PODXL: variants seen among roughly 807,000 people sequenced by gnomAD.
PODXL encodes the protein podocalyxin like.
PODXL carries 20 observed loss-of-function variants against 48.9 expected under a neutral mutation model. The ratio of observed to expected loss-of-function variants is 0.41; its 90% CI spans 0.29 to 0.59. The LOEUF (loss-of-function observed/expected upper bound fraction) is 0.59, where lower values mean the gene tolerates loss of function less well. Among genes scored for constraint, PODXL ranks in the 20% least tolerant of loss-of-function variants. The pLI is 0.31. For missense variants in PODXL, 606 were observed against 675.1 expected, an observed-to-expected ratio of 0.90 and a Z score of 1.13; for synonymous variants, 295 against 287.4, an observed-to-expected ratio of 1.03 and a Z score of -0.27.
chr7:131,524,400 AG>A (rs1399564738), intron 1 of PODXL, among the ~76,000 whole-genome samples: 3 of 151,354 alleles, frequency 2.0e-5, no homozygotes, highest in African/African-American at 7.2e-5. Context: ...AGAGAGAGAG[AG>A]AGAGAGAAAA....
chr7:131,546,000 T>G (rs1351685203), intron 1 of PODXL, among the ~76,000 whole-genome samples: 1 of 152,248 alleles, frequency 6.6e-6, no homozygotes, highest in Non-Finnish European at 1.5e-5. Flanking sequence ...CTTCCTACCT[T>G]CCCTTCCTAT....
chr7:131,507,326 G>A (rs1356589753), intron 5 of PODXL, among the ~76,000 whole-genome samples: 1 of 152,192 alleles, frequency 6.6e-6, no homozygotes, highest in Non-Finnish European at 1.5e-5. Context: ...GGAACAGGTG[G>A]GATCTTGAAG....
chr7:131,521,967 A>T (rs1038387697), intron 1 of PODXL, among the ~76,000 whole-genome samples: 9 of 152,230 alleles, frequency 5.9e-5, no homozygotes, highest in African/African-American at 1.4e-4. Context: ...AAGATAAAAC[A>T]GCTCCTTATT....
At chr7:131,550,781 GCACGCACACACACACA>G (rs1482138515) in intron 1 of PODXL, among the ~76,000 whole-genome samples, 4 of 151,664 alleles carry the variant, frequency 2.6e-5, no homozygotes, top group South Asian at 4.2e-4. Flanking sequence ...ACACATACAT[GCACGCACACACACACA>G]CACGCACACA....
Position 131,511,243 on chromosome 7 carries a change from C to G in PODXL, c.291G>C (p.Gln97His). The G allele has an allele frequency of 6.2e-7, 1 of 1,614,062 alleles. No individual in the cohort carries two copies. Among genetic ancestry groups the G allele is most frequent in the African/African-American group, 1.3e-5 (1 of 74,998 alleles). Residue 97 changes from glutamine to histidine, a missense_variant, in exon 2 of 9, where the codon CAG becomes CAC. Physicochemically the swap from Gln to His is conservative, Grantham distance 24. Coordinates refer to ENST00000378555, the MANE Select transcript of PODXL (RefSeq NM_001018111.3). Reference protein sequence around the residue: ...SDSPGTTTLAQQVSGPVNTTV... With the variant: ...SDSPGTTTLAHQVSGPVNTTV... ...TAGTGTTGACTGGGCCTGAGACTTG[C>G]TGAGCCAGGGTTGTAGTCCCCGGTG...
At chr7:131,547,023 G>T (rs555407621) in intron 1 of PODXL, among the ~76,000 whole-genome samples, 25 of 152,316 alleles carry the variant, frequency 1.6e-4, no homozygotes, top group Non-Finnish European at 2.6e-4. Context: ...GGCGTTGGGG[G>T]TGGGGTAACA....
intron 8 of PODXL, 133 bp downstream of exon 8, chr7:131,505,735 G>C (rs550691579): frequency 2.5e-6 from 2 of 785,674 alleles, no homozygotes; most frequent in Non-Finnish European, 4.0e-6. Flanking sequence ...CTGCCTATCA[G>C]GGGTGGCCTC....
At chr7:131,550,789 A>G (rs1262735693) in intron 1 of PODXL, among the ~76,000 whole-genome samples, 1 of 142,658 alleles carries the variant, frequency 7.0e-6, no homozygotes, top group African/African-American at 2.5e-5. Flanking sequence ...ATGCACGCAC[A>G]CACACACACA....
intron 1 of PODXL, among the ~76,000 whole-genome samples, chr7:131,518,759 T>A (rs1387168355): frequency 6.6e-6 from 1 of 152,176 alleles, no homozygotes; most frequent in African/African-American, 2.4e-5. Flanking sequence ...ACGGCGCCGC[T>A]GACAGAAACG....
chr7:131,528,635 G>A (rs1274522127), intron 1 of PODXL, among the ~76,000 whole-genome samples: 1 of 152,192 alleles, frequency 6.6e-6, no homozygotes, highest in Non-Finnish European at 1.5e-5. Flanking sequence ...GTAGTATTTG[G>A]TGCCAAATTG....
intron 1 of PODXL, among the ~76,000 whole-genome samples, chr7:131,547,760 C>A (rs1394924724): frequency 6.6e-6 from 1 of 152,214 alleles, no homozygotes; most frequent in Non-Finnish European, 1.5e-5. Flanking sequence ...ATTTTCCTCT[C>A]CAGGTATGCA....
intron 2 of PODXL, 62 bp downstream of exon 2, chr7:131,510,766 G>C: frequency 4.4e-6 from 7 of 1,600,124 alleles, no homozygotes; most frequent in Non-Finnish European, 6.0e-6. Flanking sequence ...AGCCTTTTCA[G>C]AGCCATCACG....
chr7:131,544,242 G>A (rs959432397), intron 1 of PODXL, among the ~76,000 whole-genome samples: 1 of 152,186 alleles, frequency 6.6e-6, no homozygotes, highest in African/African-American at 2.4e-5. Flanking sequence ...AATACCCAGC[G>A]CTTAGCCAAC....
rs1797904763 is a variant in PODXL at position 131,511,070 on chromosome 7, G to T, written c.464C>A (p.Thr155Lys). Residue 155 changes from threonine (T) to lysine (K), a missense_variant, in exon 2 of 9, where the codon ACA becomes AAA. Transcript: ENST00000378555. ...GCTGCTTTTCCCCCCAGAGTTTGTT[G>T]TATCTTCTGCTCCATTCTGGCTGCT... The part of the protein sequence containing the change: ...TTSSQNGAED[T>K]TNSGGKSSHS... The T allele has an allele frequency of 1.9e-6, 3 of 1,613,930 alleles. No homozygotes were observed. Among genetic ancestry groups the T allele is most frequent in the East Asian group, 2.2e-5 (1 of 44,890 alleles).
intron 1 of PODXL, among the ~76,000 whole-genome samples, chr7:131,549,498 G>A (rs1798635672): frequency 6.6e-6 from 1 of 152,168 alleles, no homozygotes; most frequent in Non-Finnish European, 1.5e-5. Flanking sequence ...AAGGAGCTGT[G>A]GCTTCAGCCT....
rs754659431 is a variant in PODXL, at chr7:131,501,858, A to C, written c.*2453T>G. ...TTGACATAGGTGTCCTGGTGGCAAG[A>C]GCAAGGCAAGGTGTCAGATTCTGAA... is the stretch of plus-strand genomic sequence containing the variant. On this transcript the variant is annotated 3_prime_UTR_variant, in exon 9 of 9. Transcript: ENST00000378555. 6.6e-6 allele frequency: 1 copy of C among 152,316 alleles called. No homozygotes were observed. The highest frequency in any genetic ancestry group is 1.5e-5 in the Non-Finnish European group (1 of 68,144). 9.4% of individuals were successfully genotyped at this position (152,316 alleles called of 1,614,324 possible).
In PODXL at chr7:131,504,480, ACTGT is replaced by A; in HGVS notation, c.1504_1507del (p.Thr502TrpfsTer13). On this transcript the variant is annotated frameshift_variant, in exon 9 of 9. Transcript: ENST00000378555. LOFTEE classifies it high-confidence loss of function. ...TGGGTTGTCATGGTAACCATTCTCC[ACTGT>A]CTGCAGCTCCTCTGTTAGCCGCTGC... 1 of 1,614,012 alleles carries A rather than the reference ACTGT, an allele frequency of 6.2e-7. No individual in the cohort carries two copies. Among genetic ancestry groups the A allele is most frequent in the Non-Finnish European group, 8.5e-7 (1 of 1,179,918 alleles).
intron 1 of PODXL, among the ~76,000 whole-genome samples, chr7:131,527,005 C>T (rs1431352788): frequency 1.3e-5 from 2 of 152,164 alleles, no homozygotes; most frequent in Non-Finnish European, 2.9e-5. Context: ...TCCCAAAGTG[C>T]TGGCATTACA....
At position 131,506,251 on chromosome 7, in the gene PODXL, G is replaced by A. The variant is rs141440719; in HGVS notation, c.1311+9C>T. The A allele has an allele frequency of 2.9e-3, 4,727 of 1,613,832 alleles. 102 individuals carry two copies. In the African/African-American group the frequency reaches 0.051, roughly 17 times the overall value. ...GCCACTCTGTCCCCACACTTGGGGG[G>A]CCGCTTACCTCCTTTAGTTCATCCC... On this transcript the variant is annotated intron_variant, in intron 7 of 8. Transcript: ENST00000378555.
Sources: gnomAD v4.1 joint callset for allele counts (sites outside exome capture counted in the v4.1 genomes callset) on GRCh38, gnomAD v4.1.1 for gene constraint, MANE v1.5 for transcripts, NCBI Gene and HGNC (gene_info 2026-07-23, HGNC 2026-07-21) for gene names.